Variants in PLA2G4A observed in about 807,000 individuals in gnomAD.
PLA2G4A encodes the protein phospholipase A2 group IVA.
In PLA2G4A, 40 loss-of-function variants were observed where a neutral mutation model predicts 81.9. That is an observed-to-expected ratio of 0.49 (90% CI 0.38 to 0.64). The LOEUF is 0.64. Ranked by LOEUF, PLA2G4A falls within the 30% of genes least tolerant of loss-of-function variation. PLA2G4A has a pLI of 0.00. For synonymous variants in PLA2G4A, 302 were observed against 296.9 expected (o/e 1.02, Z -0.18); for missense variants, 715 against 905.1 (o/e 0.79, Z 2.69).
At chr1:186,964,497 C>T (rs1330982622) in intron 14 of PLA2G4A, among the ~76,000 whole-genome samples, 3 of 152,148 alleles carry the variant, frequency 2.0e-5, no homozygotes, top group African/African-American at 4.8e-5. Flanking sequence ...CTGATTCTGC[C>T]TTGGGACCCT....
chr1:186,934,793 AT>A (rs1490072901), intron 8 of PLA2G4A, among the ~76,000 whole-genome samples: 1 of 151,654 alleles, frequency 6.6e-6, no homozygotes, highest in East Asian at 1.9e-4. Context: ...CTTCTTTCTA[AT>A]TGTTCCTATC....
chr1:186,985,914 C>G (rs2102308376), intron 17 of PLA2G4A, among the ~76,000 whole-genome samples: 1 of 152,206 alleles, frequency 6.6e-6, no homozygotes, highest in African/African-American at 2.4e-5. Context: ...TAACATAATG[C>G]CTTTTTGAAT....
chr1:186,904,925 G>C (rs927172052), intron 5 of PLA2G4A, among the ~76,000 whole-genome samples: 7 of 152,064 alleles, frequency 4.6e-5, no homozygotes, highest in Non-Finnish European at 2.9e-5. Flanking sequence ...CGCGATCTCA[G>C]CTCACTGCAA....
At chr1:186,938,606 T>A (rs533803418) in intron 8 of PLA2G4A, among the ~76,000 whole-genome samples, 1 of 152,240 alleles carries the variant, frequency 6.6e-6, no homozygotes, top group African/African-American at 2.4e-5. Flanking sequence ...ATCCTGGAAA[T>A]TTAGATGATC....
intron 1 of PLA2G4A, among the ~76,000 whole-genome samples, chr1:186,830,534 G>A (rs1044643072): frequency 2.7e-5 from 4 of 149,514 alleles, no homozygotes; most frequent in African/African-American, 5.0e-5. Context: ...CTTGAACCCA[G>A]GAGGTGGAGG....
At chr1:186,834,612 A>AGTAAT (rs2101996181) in intron 1 of PLA2G4A, among the ~76,000 whole-genome samples, 1 of 152,182 alleles carries the variant, frequency 6.6e-6, no homozygotes, top group Admixed American at 6.5e-5. Context: ...TTACTGATTG[A>AGTAAT]CGTAATAGGG....
At position 186,932,911 on chromosome 1, in the gene PLA2G4A, T is replaced by C; in HGVS notation, c.695+12T>C. On this transcript the variant is annotated intron_variant, in intron 8 of 17. Coordinates refer to ENST00000367466, the MANE Select transcript of PLA2G4A (RefSeq NM_024420.3). ...TCTGGCTCCACCTGGTTAGTATACA[T>C]TTTTAATTTTAGTTTTATAACTTTA... The C allele has an allele frequency of 6.3e-7, 1 of 1,592,396 alleles. No individual in the cohort carries two copies. The highest frequency in any genetic ancestry group is 8.6e-7 in the Non-Finnish European group (1 of 1,160,586).
chr1:186,971,187 A>T (rs968666428), intron 15 of PLA2G4A, among the ~76,000 whole-genome samples: 2 of 151,872 alleles, frequency 1.3e-5, no homozygotes, highest in African/African-American at 2.4e-5. Flanking sequence ...ATACTATATG[A>T]TTCTTACAGG....
intron 7 of PLA2G4A, among the ~76,000 whole-genome samples, chr1:186,913,604 A>G (rs1655040313): frequency 6.6e-6 from 1 of 152,176 alleles, no homozygotes; most frequent in Non-Finnish European, 1.5e-5. Flanking sequence ...TTAATTGAAT[A>G]TGTCAAATGA....
chr1:186,876,618 A>T (rs1178602546), intron 3 of PLA2G4A, among the ~76,000 whole-genome samples: 1 of 152,086 alleles, frequency 6.6e-6, no homozygotes, highest in African/African-American at 2.4e-5. Context: ...GTCTTCGTGG[A>T]TTCTGGCCAT....
intron 8 of PLA2G4A, among the ~76,000 whole-genome samples, chr1:186,934,427 G>A (rs1655857191): frequency 2.0e-5 from 1 of 49,764 alleles, no homozygotes; most frequent in Non-Finnish European, 4.3e-5. Flanking sequence ...GTAATTAAAA[G>A]GATTTTAAAT....
intron 5 of PLA2G4A, among the ~76,000 whole-genome samples, chr1:186,899,828 A>G: frequency 6.6e-6 from 1 of 152,172 alleles, no homozygotes; most frequent in East Asian, 1.9e-4. Context: ...CTTCTGTGGA[A>G]AGTGACTAGA....
At position 186,843,145 on chromosome 1, in the gene PLA2G4A, GT is replaced by G. The variant is rs546241831; in HGVS notation, c.-69-11133del. Among the ~76,000 whole-genome samples, 329 of 151,666 alleles carry G rather than the reference GT, an allele frequency of 2.2e-3. 1 individual carries two copies. The highest frequency in any genetic ancestry group is 7.7e-3 in the African/African-American group (319 of 41,336). ...ACAAATTACTTACCTTTCCAAATCT[GT>G]TTTTTTTAATCTCAAAAGTAGTGAT... On this transcript the variant is annotated intron_variant, in intron 1 of 17. Transcript: ENST00000367466.
intron 7 of PLA2G4A, among the ~76,000 whole-genome samples, chr1:186,929,727 A>G (rs1245668154): frequency 1.3e-5 from 2 of 151,990 alleles, no homozygotes; most frequent in Non-Finnish European, 2.9e-5. Flanking sequence ...GTGACATTGG[A>G]AAAAAAATCT....
At chr1:186,980,500 T>C (rs977919624) in intron 17 of PLA2G4A, among the ~76,000 whole-genome samples, 1 of 152,190 alleles carries the variant, frequency 6.6e-6, no homozygotes, top group African/African-American at 2.4e-5. Flanking sequence ...TTGGATTTTG[T>C]ACATTAGAAA....
intron 15 of PLA2G4A, among the ~76,000 whole-genome samples, chr1:186,967,917 G>A (rs1657190157): frequency 6.6e-6 from 1 of 152,056 alleles, no homozygotes; most frequent in South Asian, 2.1e-4. Flanking sequence ...ATGGAAAGTA[G>A]GATGAGTTGG....
At chr1:186,832,513 A>T (rs1651629431) in intron 1 of PLA2G4A, among the ~76,000 whole-genome samples, 1 of 152,168 alleles carries the variant, frequency 6.6e-6, no homozygotes, top group Admixed American at 6.5e-5. Context: ...GAGCAATATA[A>T]AAGAGTAGAG....
chr1:186,888,799 G>A (rs551029955), intron 3 of PLA2G4A, among the ~76,000 whole-genome samples: 3 of 151,118 alleles, frequency 2.0e-5, no homozygotes, highest in East Asian at 2.0e-4. Context: ...TGTATTCCAC[G>A]TTGGTTTTTG....
At chr1:186,838,932 T>C (rs1651882187) in intron 1 of PLA2G4A, among the ~76,000 whole-genome samples, 1 of 152,222 alleles carries the variant, frequency 6.6e-6, no homozygotes. Context: ...TCTTTCATTT[T>C]GCATCTAAAA....
Sources: allele counts gnomAD v4.1 joint callset (sites outside exome capture counted in the v4.1 genomes callset), GRCh38; gene constraint gnomAD v4.1.1; transcripts MANE v1.5; gene names NCBI Gene and HGNC (gene_info 2026-07-23, HGNC 2026-07-21).